NAV2: variants seen among roughly 807,000 people sequenced by gnomAD.
The protein encoded by NAV2 is neuron navigator 2.
NAV2 carries 54 observed loss-of-function variants against 223.2 expected under a neutral mutation model. That is an observed-to-expected ratio of 0.24 (90% CI 0.19 to 0.30). The LOEUF (loss-of-function observed/expected upper bound fraction) is 0.30, where lower values mean the gene tolerates loss of function less well. NAV2 is among the 10% of genes least tolerant of loss of function. NAV2 has a pLI of 1.00. For synonymous variants in NAV2, 1,279 were observed against 1,239.3 expected (o/e 1.03, Z -0.67); for missense variants, 2,806 against 3,147.5 (o/e 0.89, Z 2.60).
intron 10 of NAV2, among the ~76,000 whole-genome samples, chr11:19,983,436 A>G (rs1264776184): frequency 6.6e-6 from 1 of 152,222 alleles, no homozygotes; most frequent in Non-Finnish European, 1.5e-5. Context: ...CATCAGTATC[A>G]AGGGTGAAAT....
Position 19,755,575 on chromosome 11 carries a change from C to T in NAV2, c.267+41613C>T, listed in dbSNP as rs117641336. 5.7e-3 allele frequency among the ~76,000 whole-genome samples: 872 copies of T among 152,316 alleles called. 5 individuals are homozygous for T. The highest frequency in any genetic ancestry group is 0.02 in the Middle Eastern group (6 of 294). Reference sequence around the variant, plus strand: ...CTTCTAGAGCCTCTGGGGAAGGACTCGCTCTATGCTTCTCTCTTAGCTTCT... The same window carrying T: ...CTTCTAGAGCCTCTGGGGAAGGACTTGCTCTATGCTTCTCTCTTAGCTTCT... On this transcript the variant is annotated intron_variant, in intron 1 of 37. Coordinates refer to ENST00000349880, the MANE Select transcript of NAV2 (RefSeq NM_145117.5).
intron 12 of NAV2, among the ~76,000 whole-genome samples, chr11:20,037,720 A>C (rs911625032): frequency 1.3e-5 from 2 of 152,240 alleles, no homozygotes; most frequent in African/African-American, 4.8e-5. Flanking sequence ...CAAAAACCAA[A>C]CAAACAAAAC....
At chr11:20,017,366 G>A (rs116841293) in intron 11 of NAV2, among the ~76,000 whole-genome samples, 329 of 152,140 alleles carry the variant, frequency 2.2e-3, no homozygotes, top group East Asian at 0.01. Context: ...CAACCCCTTC[G>A]TCTGGAACAC....
At chr11:20,032,441 C>A (rs1330476378) in intron 11 of NAV2, among the ~76,000 whole-genome samples, 1 of 152,204 alleles carries the variant, frequency 6.6e-6, no homozygotes, top group African/African-American at 2.4e-5. Context: ...AGAAAGGTTA[C>A]AATTTCAAAG....
At chr11:19,775,425 G>A (rs1359716543) in intron 1 of NAV2, among the ~76,000 whole-genome samples, 1 of 152,198 alleles carries the variant, frequency 6.6e-6, no homozygotes, top group Non-Finnish European at 1.5e-5. Context: ...AGTCCTAGCT[G>A]TAGAGGAAGC....
chr11:19,347,489 C>T (rs953761883), upstream of NAV2, among the ~76,000 whole-genome samples: 1 of 152,164 alleles, frequency 6.6e-6, no homozygotes, highest in Non-Finnish European at 1.5e-5. Context: ...GAGTTTGAAG[C>T]CTTTTGGAGG....
chr11:19,676,032 GC>G (rs1488317996), intron 1 of NAV2, among the ~76,000 whole-genome samples: 1 of 152,142 alleles, frequency 6.6e-6, no homozygotes, highest in Non-Finnish European at 1.5e-5. Flanking sequence ...TCACACTAAG[GC>G]CCTTTGGTGC....
chr11:19,951,127 A>G (rs1314164304), intron 10 of NAV2, among the ~76,000 whole-genome samples: 1 of 152,176 alleles, frequency 6.6e-6, no homozygotes, highest in Non-Finnish European at 1.5e-5. Flanking sequence ...GGCTTTGGGG[A>G]AAAAGGGTTC....
chr11:19,777,544 C>T (rs1445658915), intron 1 of NAV2: 6 of 455,288 alleles, frequency 1.3e-5, no homozygotes, highest in African/African-American at 1.2e-4. Context: ...GACCGCACCC[C>T]CTGGGCGCTG....
Position 19,474,461 on chromosome 11 carries a change from G to A in NAV2, c.75+123434G>A, listed in dbSNP as rs186166554. On this transcript the variant is annotated intron_variant, in intron 1 of 37. Transcript: ENST00000360655. ...TATTAGAAAGCATCAAACAATACAC[G>A]TATGTGTAGCCATAGAAAATGTATG... Among the ~76,000 whole-genome samples the A allele has an allele frequency of 8.9e-3, 1,362 of 152,328 alleles. 9 individuals carry two copies. Among genetic ancestry groups the A allele is most frequent in the Non-Finnish European group, 0.013 (874 of 68,032 alleles).
chr11:19,744,459 A>G (rs967410899), intron 1 of NAV2, among the ~76,000 whole-genome samples: 1 of 152,214 alleles, frequency 6.6e-6, no homozygotes, highest in Non-Finnish European at 1.5e-5. Flanking sequence ...GTTAGGGAAC[A>G]TGGCTGAGGA....
At chr11:19,725,040 T>C (rs1393750606) in intron 1 of NAV2, among the ~76,000 whole-genome samples, 1 of 152,244 alleles carries the variant, frequency 6.6e-6, no homozygotes, top group East Asian at 1.9e-4. Context: ...AGTTCATGTA[T>C]GTAAAAGTGT....
chr11:19,656,057 A>T (rs1401266551), intron 1 of NAV2, among the ~76,000 whole-genome samples: 1 of 152,178 alleles, frequency 6.6e-6, no homozygotes, highest in African/African-American at 2.4e-5. Context: ...TTTTCAGAAC[A>T]TATGACTTGA....
At chr11:19,966,009 T>C (rs1387044043) in intron 10 of NAV2, among the ~76,000 whole-genome samples, 1 of 152,202 alleles carries the variant, frequency 6.6e-6, no homozygotes, top group Non-Finnish European at 1.5e-5. Flanking sequence ...TTCCTGGGGA[T>C]TGGCAAACTT....
At chr11:19,919,742 C>T (rs924088654) in intron 6 of NAV2, among the ~76,000 whole-genome samples, 3 of 152,222 alleles carry the variant, frequency 2.0e-5, no homozygotes, top group Non-Finnish European at 4.4e-5. Flanking sequence ...CAGGATTTTG[C>T]AGTTTGCAGT....
intron 1 of NAV2, among the ~76,000 whole-genome samples, chr11:19,406,780 T>G (rs918431660): frequency 6.6e-6 from 1 of 152,148 alleles, no homozygotes; most frequent in African/African-American, 2.4e-5. Flanking sequence ...CCCTTGAAAC[T>G]CACCCATGAA....
chr11:20,079,640 G>A (rs1285024998), intron 24 of NAV2, among the ~76,000 whole-genome samples: 1 of 152,170 alleles, frequency 6.6e-6, no homozygotes, highest in East Asian at 1.9e-4. Flanking sequence ...GATAGCACAT[G>A]GAAGGGCCCT....
intron 10 of NAV2, among the ~76,000 whole-genome samples, chr11:19,970,037 T>C (rs1050605195): frequency 2.6e-5 from 4 of 152,230 alleles, no homozygotes; most frequent in African/African-American, 7.2e-5. Context: ...ATAAAAGTTA[T>C]GTGAATGTGG....
At chr11:19,620,074 G>A (rs1348411300) in intron 1 of NAV2, among the ~76,000 whole-genome samples, 3 of 152,154 alleles carry the variant, frequency 2.0e-5, no homozygotes, top group African/African-American at 7.2e-5. Context: ...AGTTGTAGAT[G>A]TGTGATATTA....
Sources: allele counts gnomAD v4.1 joint callset (sites outside exome capture counted in the v4.1 genomes callset), GRCh38; gene constraint gnomAD v4.1.1; transcripts MANE v1.5; gene names NCBI Gene and HGNC (gene_info 2026-07-23, HGNC 2026-07-21).